Variants in PLCG2 observed in about 807,000 individuals in gnomAD.
PLCG2 encodes the protein 1-phosphatidylinositol 4,5-bisphosphate phosphodiesterase gamma-2.
A neutral mutation model predicts 175.6 loss-of-function variants in PLCG2; 69 were observed. That is an observed-to-expected ratio of 0.39 (90% CI 0.32 to 0.48). The LOEUF is 0.48. Among genes scored for constraint, PLCG2 ranks in the 20% least tolerant of loss-of-function variants. The pLI is 0.91. For missense variants in PLCG2, 1,798 were observed against 1,650.9 expected, an observed-to-expected ratio of 1.09 and a Z score of -1.54; for synonymous variants, 827 against 624.0, an observed-to-expected ratio of 1.33 and a Z score of -4.85.
intron 7 of PLCG2, among the ~76,000 whole-genome samples, chr16:81,871,866 G>A (rs369792925): frequency 5.9e-5 from 9 of 152,034 alleles, no homozygotes; most frequent in African/African-American, 2.2e-4. Context: ...CTCAATGGAG[G>A]AATTGCTGGG....
intron 18 of PLCG2, 69 bp from the exon 19 acceptor site, chr16:81,912,528 C>G (rs1034964803): frequency 1.1e-5 from 17 of 1,575,570 alleles, no homozygotes; most frequent in Non-Finnish European, 1.5e-5. Flanking sequence ...TTATCTTGTC[C>G]TCTGCGGGTG....
chr16:81,868,321 T>C (rs569475800), intron 5 of PLCG2, among the ~76,000 whole-genome samples: 134 of 152,310 alleles, frequency 8.8e-4, no homozygotes, highest in Admixed American at 1.8e-3. Flanking sequence ...CCCTGGCCCT[T>C]AGTGACCTTG....
chr16:81,834,565 G>T (rs1344696353), intron 2 of PLCG2, among the ~76,000 whole-genome samples: 1 of 146,086 alleles, frequency 6.8e-6, no homozygotes, highest in African/African-American at 2.5e-5. Flanking sequence ...CACTCGTCAC[G>T]TGGTTGATAG....
At chr16:81,763,841 C>T (rs763573936) in intron 2 of PLCG2, among the ~76,000 whole-genome samples, 1 of 151,612 alleles carries the variant, frequency 6.6e-6, no homozygotes, top group African/African-American at 2.4e-5. Flanking sequence ...GTGGCAGGCA[C>T]TTGTAATCTC....
At chr16:81,867,282 T>C (rs948608539) in intron 5 of PLCG2, among the ~76,000 whole-genome samples, 1 of 152,220 alleles carries the variant, frequency 6.6e-6, no homozygotes, top group African/African-American at 2.4e-5. Flanking sequence ...GAGCTTCCTC[T>C]CTTGACCACT....
rs1405522854 is a variant in PLCG2 at position 81,961,156 on chromosome 16, G to A, written c.*3158G>A. 2 of 230,060 alleles carry A rather than the reference G, an allele frequency of 8.7e-6. No individual in the cohort carries two copies. Among genetic ancestry groups the A allele is most frequent in the African/African-American group, 4.4e-5 (2 of 45,172 alleles). 14.3% of individuals were successfully genotyped at this position (230,060 alleles called of 1,614,324 possible). A position where few individuals can be genotyped will look rare whatever the true frequency, so the allele number is the denominator to read the frequency against. On this transcript the variant is annotated 3_prime_UTR_variant, in exon 33 of 33. Coordinates refer to ENST00000564138, the MANE Select transcript of PLCG2 (RefSeq NM_002661.5). ...AGCCTGTAGATTTCTGAGTCTCTTA[G>A]CATGTAACTACAAAGGGGTTGGAAG...
At chr16:81,750,763 G>C (rs1302711104) in intron 1 of PLCG2, among the ~76,000 whole-genome samples, 2 of 135,440 alleles carry the variant, frequency 1.5e-5, no homozygotes, top group African/African-American at 2.7e-5. Context: ...CGCCTCCCGG[G>C]TTCATGCCAT....
rs755775476 is a variant in PLCG2, at chr16:81,785,964, C to T, written c.-26C>T. 2.4e-5 allele frequency: 38 copies of T among 1,601,644 alleles called. No individual in the cohort carries two copies. The South Asian group carries it at 3.5e-4, about 15-fold the overall frequency. On this transcript the variant is annotated 5_prime_UTR_variant, in exon 2 of 33. Transcript: ENST00000564138. ...TCAGCTTCCTGATTTCTCCCGATTC[C>T]TTCCTTCTCCCTGGAGCGGCCGACA...
In PLCG2 at chr16:81,779,380, C is replaced by T. The variant is rs1046592257; in HGVS notation, c.-92C>T. 6.6e-6 allele frequency: 1 copy of T among 151,134 alleles called. No homozygotes were observed. Among genetic ancestry groups the T allele is most frequent in the Admixed American group, 6.6e-5 (1 of 15,168 alleles). The allele number at this position is 151,134 out of a possible 1,614,324, so 9.4% of individuals were successfully genotyped here. A position where few individuals can be genotyped will look rare whatever the true frequency, so the allele number is the denominator to read the frequency against. ...GCTGCGCGCGCGGGACCCCGGAGCC[C>T]AAACCCGGGGCAGGCGGGCAGCTGT... On this transcript the variant is annotated 5_prime_UTR_variant, in exon 1 of 33. Transcript: ENST00000564138.
intron 1 of PLCG2, among the ~76,000 whole-genome samples, chr16:81,754,733 G>A (rs1052154491): frequency 2.0e-5 from 3 of 151,772 alleles, no homozygotes; most frequent in Non-Finnish European, 4.4e-5. Flanking sequence ...GTATGTGTGG[G>A]AGGGATCCCC....
intron 1 of PLCG2, among the ~76,000 whole-genome samples, chr16:81,750,623 AC>A: frequency 6.7e-6 from 1 of 149,120 alleles, no homozygotes; most frequent in Non-Finnish European, 1.5e-5. Flanking sequence ...TTTACAATGG[AC>A]TACTATTCAG....
chr16:81,912,573 G>T (rs749095958), intron 18 of PLCG2, 24 bp from the exon 19 acceptor site: 74 of 1,611,168 alleles, frequency 4.6e-5, no homozygotes, highest in Non-Finnish European at 6.1e-5. Context: ...TCACCTGGTC[G>T]TTTTCCCTGG....
In PLCG2 at chr16:81,908,430, A is replaced by T. The variant is rs373910195; in HGVS notation, c.1572A>T (p.Thr524=). 1.9e-6 allele frequency: 3 copies of T among 1,613,934 alleles called. No individual in the cohort carries two copies. Among genetic ancestry groups the T allele is most frequent in the Non-Finnish European group, 2.5e-6 (3 of 1,179,978 alleles). Residue 524 remains threonine (T), a synonymous_variant, in exon 17 of 33, where the codon ACA becomes ACT. Transcript: ENST00000564138. Reference sequence around the variant, plus strand: ...TTGCGGCCCAGGATATACCCCCTACAGAACTACATTTTGGGGAGAAATGGT... The same window carrying T: ...TTGCGGCCCAGGATATACCCCCTACTGAACTACATTTTGGGGAGAAATGGT... The part of the protein sequence containing the change: ...EEEVPQDIPP[T]ELHFGEKWFH...
intron 22 of PLCG2, among the ~76,000 whole-genome samples, chr16:81,924,896 G>A (rs1910201136): frequency 6.6e-6 from 1 of 152,242 alleles, no homozygotes; most frequent in Non-Finnish European, 1.5e-5. Flanking sequence ...CAGAGGCTCG[G>A]CTTTGCCGAA....
chr16:81,879,871 G>C (rs1313483519), intron 7 of PLCG2, among the ~76,000 whole-genome samples: 1 of 152,164 alleles, frequency 6.6e-6, no homozygotes, highest in African/African-American at 2.4e-5. Flanking sequence ...CAGTTGGCAC[G>C]GCAGTGGGCT....
intron 9 of PLCG2, among the ~76,000 whole-genome samples, chr16:81,883,825 G>T (rs539741495): frequency 6.6e-6 from 1 of 152,330 alleles, no homozygotes; most frequent in East Asian, 1.9e-4. Flanking sequence ...AGTCTCCCTG[G>T]ACAGGGTTTG....
rs933788892 is a variant in PLCG2 at position 81,816,657 on chromosome 16, T to C, written c.193+30475T>C. Among the ~76,000 whole-genome samples the C allele has an allele frequency of 7.3e-4, 51 of 70,164 alleles. 6 individuals carry two copies. Among genetic ancestry groups the C allele is most frequent in the Non-Finnish European group, 1.1e-3 (31 of 27,484 alleles). The allele number at this position is 70,164 out of a possible 152,430, so 46.0% of individuals were successfully genotyped here. A position where few individuals can be genotyped will look rare whatever the true frequency, so the allele number is the denominator to read the frequency against. On this transcript the variant is annotated intron_variant, in intron 2 of 32. Transcript: ENST00000564138. Reference sequence around the variant, plus strand: ...CCATGCCCAGCTAATTTTAATTTTTTTTTTTTTTTTTTTTTTTTTTTTTTA... The same window carrying C: ...CCATGCCCAGCTAATTTTAATTTTTCTTTTTTTTTTTTTTTTTTTTTTTTA...
At chr16:81,936,119 A>T in intron 26 of PLCG2, 50 bp from the exon 27 acceptor site, 1 of 1,601,602 alleles carries the variant, frequency 6.2e-7, no homozygotes, top group South Asian at 1.1e-5. Flanking sequence ...CATTAAGAAA[A>T]TGCACAGATG....
At chr16:81,898,215 TC>T (rs1439704843) in intron 13 of PLCG2, 1 of 190,384 alleles carries the variant, frequency 5.3e-6, no homozygotes, top group Non-Finnish European at 1.1e-5. Context: ...GCTGGAATCA[TC>T]TAACACCTAT....
Sources: allele counts gnomAD v4.1 joint callset (sites outside exome capture counted in the v4.1 genomes callset), GRCh38; gene constraint gnomAD v4.1.1; transcripts MANE v1.5; gene names NCBI Gene and HGNC (gene_info 2026-07-23, HGNC 2026-07-21).